APLP1: variants seen among roughly 807,000 people sequenced by gnomAD.
APLP1 encodes amyloid beta precursor like protein 1, also known as amyloid beta (A4) precursor-like protein 1.
APLP1 carries 46 observed loss-of-function variants against 84.5 expected under a neutral mutation model. That is an observed-to-expected ratio of 0.54 (90% CI 0.43 to 0.70). The LOEUF (loss-of-function observed/expected upper bound fraction) is 0.70, where lower values mean the gene tolerates loss of function less well. Ranked by LOEUF, APLP1 falls within the 30% of genes least tolerant of loss-of-function variation. The pLI is 0.00. For missense variants in APLP1, 826 were observed against 900.2 expected, an observed-to-expected ratio of 0.92 and a Z score of 1.05; for synonymous variants, 376 against 364.0, an observed-to-expected ratio of 1.03 and a Z score of -0.38.
chr19:35,870,964 C>A lies in APLP1; in HGVS notation c.360C>A (p.Cys120Ter). The A allele has an allele frequency of 6.3e-7, 1 of 1,582,164 alleles. No homozygotes were observed. Among genetic ancestry groups the A allele is most frequent in the Non-Finnish European group, 8.6e-7 (1 of 1,165,900 alleles). ...AGGCCATCCCCATGGAGCGCTGGTG[C>A]GGGGGTTCCCGGAGCGGCAGCTGCG... ...ATQAIPMERW[C>*]GGSRSGSCAH... Residue 120 changes from cysteine to a stop codon, truncating the protein, a stop_gained, in exon 3 of 17, where the codon TGC becomes TGA. Transcript: ENST00000221891. LOFTEE classifies it high-confidence loss of function.
intron 12 of APLP1, 105 bp from the exon 13 acceptor site, chr19:35,877,977 T>G (rs1449915035): frequency 6.5e-6 from 9 of 1,383,590 alleles, no homozygotes; most frequent in Non-Finnish European, 9.0e-6. Flanking sequence ...CTCTGTAGGA[T>G]CCCCAATCCT....
At chr19:35,870,670 G>C in intron 2 of APLP1, 1 of 532,014 alleles carries the variant, frequency 1.9e-6, no homozygotes, top group Non-Finnish European at 3.2e-6. Context: ...TGTAATCCCA[G>C]CTACTCAGGA....
At position 35,869,654 on chromosome 19, in the gene APLP1, C is replaced by T. The variant is rs749590970; in HGVS notation, c.148-13C>T. On this transcript the variant is annotated splice_polypyrimidine_tract_variant and intron_variant, in intron 1 of 16. Transcript: ENST00000221891. ...CCCCCCGAGCCCTCACTGTCCTTTCCACTTCCATCCAGGCCCCGGGGTCGG... is the reference window on the plus strand; with the variant it reads ...CCCCCCGAGCCCTCACTGTCCTTTCTACTTCCATCCAGGCCCCGGGGTCGG... 5 of 1,610,192 alleles carry T rather than the reference C, an allele frequency of 3.1e-6. No homozygotes were observed. Among genetic ancestry groups the T allele is most frequent in the Non-Finnish European group, 4.2e-6 (5 of 1,178,436 alleles).
intron 11 of APLP1, among the ~76,000 whole-genome samples, chr19:35,877,259 C>G (rs1253958792): frequency 1.3e-5 from 2 of 151,992 alleles, no homozygotes; most frequent in African/African-American, 4.8e-5. Context: ...GAGGCCGAGG[C>G]GGGTGGATCA....
At chr19:35,876,748 A>G in intron 11 of APLP1, 132 bp downstream of exon 11, 5 of 733,132 alleles carry the variant, frequency 6.8e-6, no homozygotes, top group East Asian at 3.1e-5. Context: ...AAAATCAACA[A>G]TGATTTTTCT....
At chr19:35,873,145 C>G (rs1473868146) in intron 7 of APLP1, among the ~76,000 whole-genome samples, 2 of 151,936 alleles carry the variant, frequency 1.3e-5, no homozygotes, top group African/African-American at 4.8e-5. Flanking sequence ...CAGGCATGAG[C>G]CACCACGCCT....
chr19:35,877,623 T>G lies in APLP1; in HGVS notation c.1445-95T>G, dbSNP rs1210485372. ...ACCCCACACTTGGGGCTGACTCTGC[T>G]GTCTGCATGATCTCCCACTTGCTCT... On this transcript the variant is annotated intron_variant, in intron 11 of 16. Transcript: ENST00000221891. 4 of 774,094 alleles carry G rather than the reference T, an allele frequency of 5.2e-6. No individual in the cohort carries two copies. The Admixed American group carries it at 1.2e-4, about 22-fold the overall frequency. 48.0% of individuals were successfully genotyped at this position (774,094 alleles called of 1,614,324 possible). A position where few individuals can be genotyped will look rare whatever the true frequency, so the allele number is the denominator to read the frequency against.
rs1974155836 is a variant in APLP1 at position 35,871,845 on chromosome 19, C to T, written c.672-13C>T. The T allele has an allele frequency of 1.2e-6, 2 of 1,613,656 alleles. No homozygotes were observed. Among genetic ancestry groups the T allele is most frequent in the Non-Finnish European group, 1.7e-6 (2 of 1,179,702 alleles). ...TGGGTTCTTACTGCCTGGGTCCTCT[C>T]CTGCTCCCTCAGTGACCCCTCCACC... On this transcript the variant is annotated splice_polypyrimidine_tract_variant and intron_variant, in intron 5 of 16. Transcript: ENST00000221891.
chr19:35,869,014 T>A, intron 1 of APLP1: 1 of 360,182 alleles, frequency 2.8e-6, no homozygotes, highest in Non-Finnish European at 4.8e-6. Flanking sequence ...TCAGAGCCCC[T>A]GGTCCCAGAA....
intron 1 of APLP1, chr19:35,869,297 A>T (rs1974077583): frequency 1.9e-6 from 1 of 523,552 alleles, no homozygotes; most frequent in East Asian, 3.6e-5. Context: ...TGCATCCTGC[A>T]ACGGGAGCCT....
At chr19:35,876,472 C>A (rs770926412) in intron 10 of APLP1, 45 bp from the exon 11 acceptor site, 2 of 1,528,528 alleles carry the variant, frequency 1.3e-6, no homozygotes, top group African/African-American at 2.7e-5. Flanking sequence ...TCCTCATCTC[C>A]AGCCTGCATT....
Position 35,878,623 on chromosome 19 carries a change from A to C in APLP1, c.1619A>C (p.Lys540Thr). 6.2e-7 allele frequency: 1 copy of C among 1,614,150 alleles called. No homozygotes were observed. Among genetic ancestry groups the C allele is most frequent in the Non-Finnish European group, 8.5e-7 (1 of 1,180,022 alleles). ...EQDAASPEKE[K>T]MNPLEQYERK... is the part of the protein sequence containing the mutation. ...GATGCTGCATCCCCTGAGAAAGAGA[A>C]GATGAACCCGCTGGAACAGTATGAG... Residue 540 changes from lysine (K) to threonine (T), a missense_variant, in exon 14 of 17, where the codon AAG becomes ACG. Lys to Thr is a moderately conservative substitution (Grantham distance 78). This residue lies in a region of APLP1 where 433 missense variants were observed against 496.5 expected (regional missense o/e 0.87). Coordinates refer to ENST00000221891, the MANE Select transcript of APLP1 (RefSeq NM_001024807.3).
rs1193180802 is a variant in APLP1 at position 35,874,244 on chromosome 19, A to G, written c.1057-260A>G. Among the ~76,000 whole-genome samples the G allele has an allele frequency of 6.6e-6, 1 of 151,982 alleles. No homozygotes were observed. The highest frequency in any genetic ancestry group is 1.5e-5 in the Non-Finnish European group (1 of 67,992). On this transcript the variant is annotated intron_variant, in intron 8 of 16. Coordinates refer to ENST00000221891, the MANE Select transcript of APLP1 (RefSeq NM_001024807.3). This position sits in a 1 kb window ranked among gnomAD's most constrained non-coding sequence, Gnocchi z 6.4. ...AAGGCTTTGTCCCTTTCACCTTAAC[A>G]TTGGTCAGTTCTGCTCCCAGATTGC...
chr19:35,869,522 A>G (rs781148598), intron 1 of APLP1, 145 bp from the exon 2 acceptor site: 3 of 1,158,356 alleles, frequency 2.6e-6, no homozygotes, highest in African/African-American at 1.6e-5. Flanking sequence ...GCTGTTTCCC[A>G]GGGAACGGTG....
At position 35,871,200 on chromosome 19, in the gene APLP1, T is replaced by C. The variant is rs1339182242; in HGVS notation, c.425-37T>C. ...CTGAGGAGGGTGGGGTTGGTGGCTA[T>C]AGGAGGATCTCACCCTGGTGTCCCG... On this transcript the variant is annotated intron_variant, in intron 3 of 16. Coordinates refer to ENST00000221891, the MANE Select transcript of APLP1 (RefSeq NM_001024807.3). 4 of 1,595,666 alleles carry C rather than the reference T, an allele frequency of 2.5e-6. No individual in the cohort carries two copies. In the East Asian group the frequency reaches 9.0e-5, roughly 36 times the overall value.
chr19:35,872,343 T>C, intron 6 of APLP1, 140 bp from the exon 7 acceptor site: 1 of 1,184,750 alleles, frequency 8.4e-7, no homozygotes, highest in African/African-American at 1.5e-5. Context: ...GAACTACATC[T>C]CCCATAATGC....
chr19:35,877,943 A>G, intron 12 of APLP1, 118 bp downstream of exon 12: 1 of 1,283,978 alleles, frequency 7.8e-7, no homozygotes, highest in Non-Finnish European at 1.1e-6. Context: ...GAGGATGAGG[A>G]GGAACGTCTA....
At chr19:35,872,129 A>G (rs1974170714) in intron 6 of APLP1, 93 bp downstream of exon 6, 8 of 1,445,148 alleles carry the variant, frequency 5.5e-6, no homozygotes, top group Non-Finnish European at 7.5e-6. Context: ...GGAGGGGCCT[A>G]TAGGGGAAAG....
chr19:35,869,900 G>C (rs1449268566), intron 2 of APLP1, 90 bp downstream of exon 2: 1 of 1,483,386 alleles, frequency 6.7e-7, no homozygotes, highest in Non-Finnish European at 9.0e-7. Flanking sequence ...GATCTAAGGC[G>C]TGGAGGCTGG....
Sources: gnomAD v4.1 joint callset for allele counts (sites outside exome capture counted in the v4.1 genomes callset) on GRCh38, gnomAD v4.1.1 for gene constraint, gnomAD v4.1.1 regional missense constraint, Gnocchi (gnomAD v3.1) non-coding constraint, MANE v1.5 for transcripts, NCBI Gene and HGNC (gene_info 2026-07-23, HGNC 2026-07-21) for gene names.